Variants in MED21 observed in about 807,000 individuals in gnomAD.
MED21 encodes the protein mediator complex subunit 21, also known as mediator of RNA polymerase II transcription subunit 21.
A neutral mutation model predicts 18.2 loss-of-function variants in MED21; 9 were observed. That is an observed-to-expected ratio of 0.49 (90% CI 0.30 to 0.86). The LOEUF is 0.86. Among genes scored for constraint, MED21 ranks in the 40% least tolerant of loss-of-function variants. MED21 has a pLI of 0.07. For missense variants in MED21, 150 were observed against 170.9 expected, an observed-to-expected ratio of 0.88 and a Z score of 0.68; for synonymous variants, 73 against 60.5, an observed-to-expected ratio of 1.21 and a Z score of -0.96.
At chr12:27,035,223 A>T (rs1477363118), downstream of MED21, among the ~76,000 whole-genome samples, 1 of 152,134 alleles carries the variant, frequency 6.6e-6, no homozygotes, top group East Asian at 1.9e-4. Flanking sequence ...ACAAAATAAA[A>T]ACAACAGGCA....
chr12:27,037,763 T>A (rs1941658676), intron 2 of MED21: 1 of 152,222 alleles, frequency 6.6e-6, no homozygotes, highest in Admixed American at 6.5e-5. Flanking sequence ...TTTTCTTCCT[T>A]GCTGAAACAT....
downstream of MED21, among the ~76,000 whole-genome samples, chr12:27,032,580 C>T (rs1592338103): frequency 6.6e-6 from 1 of 152,176 alleles, no homozygotes; most frequent in African/African-American, 2.4e-5. Context: ...CAGTATTAAC[C>T]TTTACTTGAG....
chr12:27,036,620 C>G (rs890931143), intron 2 of MED21, among the ~76,000 whole-genome samples: 18 of 152,112 alleles, frequency 1.2e-4, no homozygotes, highest in Non-Finnish European at 2.5e-4. Flanking sequence ...TTTGTATAAG[C>G]TGTAAAGAAG....
Position 27,030,350 on chromosome 12 carries a change from A to G in MED21, c.*1889A>G. 1 of 435,596 alleles carries G rather than the reference A, an allele frequency of 2.3e-6. No individual in the cohort carries two copies. Among genetic ancestry groups the G allele is most frequent in the Non-Finnish European group, 4.1e-6 (1 of 245,048 alleles). The allele number at this position is 435,596 out of a possible 1,614,324, so 27.0% of individuals were successfully genotyped here. On this transcript the variant is annotated 3_prime_UTR_variant, in exon 4 of 4. Coordinates refer to ENST00000282892, the MANE Select transcript of MED21 (RefSeq NM_004264.5). ...GGGTCTCACTCTGTTGCCCAGGCTAATGCCAAACTGCTAACCTCAAGATAT... is the reference window on the plus strand; with the variant it reads ...GGGTCTCACTCTGTTGCCCAGGCTAGTGCCAAACTGCTAACCTCAAGATAT...
downstream of MED21, among the ~76,000 whole-genome samples, chr12:27,035,406 T>C (rs866465211): frequency 5.3e-5 from 8 of 150,044 alleles, no homozygotes; most frequent in South Asian, 6.3e-4. Context: ...TAAATCTCTT[T>C]TTTTTTTTTT....
downstream of MED21, among the ~76,000 whole-genome samples, chr12:27,034,719 G>A (rs1183836462): frequency 6.6e-6 from 1 of 152,136 alleles, no homozygotes; most frequent in Non-Finnish European, 1.5e-5. Context: ...GGGATTACAT[G>A]CATGAGCCAC....
At position 27,030,187 on chromosome 12, in the gene MED21, C is replaced by T. The variant is rs960565613; in HGVS notation, c.*1726C>T. The T allele has an allele frequency of 1.8e-5, 12 of 651,602 alleles. No individual in the cohort carries two copies. The highest frequency in any genetic ancestry group is 7.2e-5 in the African/African-American group (4 of 55,796). 40.4% of individuals were successfully genotyped at this position (651,602 alleles called of 1,614,324 possible). ...AGTCTCTGTCACCCAAGCTGAAGTG[C>T]AGTTCTGTGATCATGGCTCACTGCA... On this transcript the variant is annotated 3_prime_UTR_variant, in exon 4 of 4. Transcript: ENST00000282892.
At chr12:27,034,684 G>A (rs1421285315), downstream of MED21, among the ~76,000 whole-genome samples, 1 of 152,106 alleles carries the variant, frequency 6.6e-6, no homozygotes, top group African/African-American at 2.4e-5. Context: ...CAACCGATCT[G>A]CCCATTTCGA....
At chr12:27,022,754 C>T (rs1463871737) in intron 1 of MED21, 133 bp downstream of exon 1, 4 of 1,554,584 alleles carry the variant, frequency 2.6e-6, no homozygotes, top group Non-Finnish European at 3.5e-6. Flanking sequence ...AAAGCGCTCT[C>T]TCGGGAGGCG....
At position 27,023,300 on chromosome 12, in the gene MED21, C is replaced by CT. The variant is rs71437317; in HGVS notation, c.42+696dup. Among the ~76,000 whole-genome samples the CT allele has an allele frequency of 1.0e-3, 114 of 110,400 alleles. 4 individuals are homozygous for CT. The Middle Eastern group carries it at 0.017, about 16-fold the overall frequency. The allele number at this position is 110,400 out of a possible 152,430, so 72.4% of individuals were successfully genotyped here. On this transcript the variant is annotated intron_variant, in intron 1 of 3. Transcript: ENST00000282892. ...CGCTTATTTGAGTCTTTTTTCTTTT[C>CT]TTTTTTTTTTTTTTTTTACTTTGGA... is the stretch of plus-strand genomic sequence containing the variant.
At chr12:27,022,687 G>A (rs777661598) in intron 1 of MED21, 66 bp downstream of exon 1, 31 of 1,612,106 alleles carry the variant, frequency 1.9e-5, no homozygotes, top group Non-Finnish European at 2.5e-5. Flanking sequence ...GGAGGAAAGG[G>A]GCCCAAGAGG....
chr12:27,022,673 C>G, intron 1 of MED21, 52 bp downstream of exon 1: 1 of 1,612,196 alleles, frequency 6.2e-7, no homozygotes, highest in Admixed American at 1.7e-5. Context: ...TGAGGTAAAG[C>G]AAGGGAGGAA....
intron 1 of MED21, among the ~76,000 whole-genome samples, chr12:27,024,905 T>C (rs1054947160): frequency 4.6e-5 from 7 of 152,194 alleles, no homozygotes; most frequent in African/African-American, 1.4e-4. Context: ...TGAACCAAAA[T>C]AGGGGGAATC....
chr12:27,036,623 T>C (rs1004041096), intron 2 of MED21, among the ~76,000 whole-genome samples: 5 of 152,222 alleles, frequency 3.3e-5, no homozygotes, highest in African/African-American at 1.2e-4. Flanking sequence ...GTATAAGCTG[T>C]AAAGAAGGGA....
At position 27,029,708 on chromosome 12, in the gene MED21, CTG is replaced by C. The variant is rs1941592505; in HGVS notation, c.*1249_*1250del. 3 of 985,086 alleles carry C rather than the reference CTG, an allele frequency of 3.0e-6. No individual in the cohort carries two copies. Among genetic ancestry groups the C allele is most frequent in the South Asian group, 4.7e-5 (1 of 21,280 alleles). The allele number at this position is 985,086 out of a possible 1,614,324, so 61.0% of individuals were successfully genotyped here. A position where few individuals can be genotyped will look rare whatever the true frequency, so the allele number is the denominator to read the frequency against. On this transcript the variant is annotated 3_prime_UTR_variant, in exon 4 of 4. Transcript: ENST00000282892. ...TCATAGAAAATTTTTGAACTTTTAACTGTATTTTAATTGATGTTTATTAAAAA... is the reference window on the plus strand; with the variant it reads ...TCATAGAAAATTTTTGAACTTTTAACTATTTTAATTGATGTTTATTAAAAA...
downstream of MED21, among the ~76,000 whole-genome samples, chr12:27,033,005 AGCCT>A (rs1487397683): frequency 6.6e-6 from 1 of 152,010 alleles, no homozygotes; most frequent in Admixed American, 6.6e-5. Context: ...GTTTTTTTCT[AGCCT>A]GTTTATTCCT....
intron 1 of MED21, chr12:27,022,887 C>T (rs1383500649): frequency 2.9e-6 from 4 of 1,392,956 alleles, no homozygotes; most frequent in Admixed American, 2.6e-5. Context: ...GCCGCCAGGA[C>T]TTGTGGGCTG....
intron 3 of MED21, among the ~76,000 whole-genome samples, chr12:27,027,826 C>G (rs764102070): frequency 1.6e-4 from 24 of 152,200 alleles, no homozygotes; most frequent in Non-Finnish European, 2.4e-4. Flanking sequence ...GCCTTCATGA[C>G]TTAATATCCT....
Position 27,028,182 on chromosome 12 carries a change from CAT to C in MED21, c.259-100_259-99del, listed in dbSNP as rs1190942848. 7.4e-6 allele frequency: 10 copies of C among 1,352,498 alleles called. No individual in the cohort carries two copies. The African/African-American group carries it at 8.7e-5, about 12-fold the overall frequency. 83.8% of individuals were successfully genotyped at this position (1,352,498 alleles called of 1,614,324 possible). A position where few individuals can be genotyped will look rare whatever the true frequency, so the allele number is the denominator to read the frequency against. ...TTTTTAGAATTTCTTTACTGAAAAA[CAT>C]ATCACAATGATTGCAAAGTCATCCA... On this transcript the variant is annotated intron_variant, in intron 3 of 3. Transcript: ENST00000282892.
Sources: allele counts gnomAD v4.1 joint callset (sites outside exome capture counted in the v4.1 genomes callset), GRCh38; gene constraint gnomAD v4.1.1; transcripts MANE v1.5; gene names NCBI Gene and HGNC (gene_info 2026-07-23, HGNC 2026-07-21).